DLG2: variants seen among roughly 807,000 people sequenced by gnomAD.
The protein encoded by DLG2 is discs large MAGUK scaffold protein 2.
DLG2 carries 45 observed loss-of-function variants against 132.5 expected under a neutral mutation model. That is an observed-to-expected ratio of 0.34 (90% confidence interval 0.27 to 0.44). The LOEUF (loss-of-function observed/expected upper bound fraction) is 0.44, where lower values mean the gene tolerates loss of function less well. DLG2 is among the 20% of genes least tolerant of loss of function. The pLI is 1.00. For synonymous variants in DLG2, 424 were observed against 419.6 expected (o/e 1.01, Z -0.13); for missense variants, 1,045 against 1,196.9 (o/e 0.87, Z 1.87).
chr11:83,571,682 A>C (rs2096799631), intron 19 of DLG2, among the ~76,000 whole-genome samples: 1 of 152,122 alleles, frequency 6.6e-6, no homozygotes, highest in Admixed American at 6.6e-5. Flanking sequence ...TATAGTGAGA[A>C]ATATTACTGA....
chr11:84,434,871 G>A (rs894400291), intron 7 of DLG2, among the ~76,000 whole-genome samples: 2 of 139,562 alleles, frequency 1.4e-5, no homozygotes, highest in Non-Finnish European at 3.0e-5. Context: ...GCTATGGTGA[G>A]TTCAGGTTGT....
intron 15 of DLG2, among the ~76,000 whole-genome samples, chr11:83,896,497 C>A (rs892179525): frequency 6.6e-6 from 1 of 152,138 alleles, no homozygotes; most frequent in African/African-American, 2.4e-5. Context: ...GAAAGATGGA[C>A]CAGCCATATT....
intron 6 of DLG2, among the ~76,000 whole-genome samples, chr11:85,079,938 A>T (rs924373949): frequency 2.6e-5 from 4 of 151,850 alleles, no homozygotes; most frequent in Non-Finnish European, 5.9e-5. Flanking sequence ...CCCACTAGGT[A>T]TCTTGATATC....
chr11:84,456,984 G>T (rs1286792892), intron 7 of DLG2, among the ~76,000 whole-genome samples: 1 of 151,172 alleles, frequency 6.6e-6, no homozygotes, highest in East Asian at 1.9e-4. Flanking sequence ...TTAGTTTAAG[G>T]TTAGCCAAGA....
chr11:85,095,604 C>A (rs2069599777), intron 6 of DLG2, among the ~76,000 whole-genome samples: 1 of 152,110 alleles, frequency 6.6e-6, no homozygotes, highest in Non-Finnish European at 1.5e-5. Flanking sequence ...CAGCTCCTAT[C>A]CCTCTTCACA....
At chr11:83,946,451 T>A (rs914755333) in intron 14 of DLG2, among the ~76,000 whole-genome samples, 1 of 152,192 alleles carries the variant, frequency 6.6e-6, no homozygotes, top group African/African-American at 2.4e-5. Context: ...AGATCTGGCA[T>A]GGGGCTAAGG....
At chr11:83,480,390 C>T (rs552807665) in intron 22 of DLG2, 64 of 1,535,414 alleles carry the variant, frequency 4.2e-5, no homozygotes, top group Middle Eastern at 1.7e-4. Context: ...CTTTCGCTAT[C>T]GCTGGCATTA....
At chr11:84,955,506 T>G (rs971511416) in intron 6 of DLG2, 10 of 152,108 alleles carry the variant, frequency 6.6e-5, no homozygotes, top group African/African-American at 2.4e-4. Context: ...AGCAGAGGAT[T>G]TTAGACTTCA....
intron 6 of DLG2, among the ~76,000 whole-genome samples, chr11:84,827,676 C>CAAAAAAAAAAAAAAAAAA (rs398016953): frequency 1.1e-4 from 4 of 35,090 alleles, no homozygotes; most frequent in African/African-American, 2.8e-4. Flanking sequence ...TACATACAGT[C>CAAAAAAAAAAAAAAAAAA]AAAAAAAAAA....
chr11:85,395,605 C>T (rs938309646), intron 3 of DLG2, among the ~76,000 whole-genome samples: 2 of 152,234 alleles, frequency 1.3e-5, no homozygotes, highest in Non-Finnish European at 1.5e-5. Context: ...GAGATACCCT[C>T]CCATGCCTGA....
At chr11:83,664,010 C>T (rs908188219) in intron 18 of DLG2, among the ~76,000 whole-genome samples, 57 of 152,126 alleles carry the variant, frequency 3.7e-4, no homozygotes, top group African/African-American at 1.3e-3. Flanking sequence ...AAACATTGGG[C>T]GAGCTGTTTC....
chr11:85,488,436 C>T (rs1378913260), intron 3 of DLG2, among the ~76,000 whole-genome samples: 1 of 151,864 alleles, frequency 6.6e-6, no homozygotes, highest in African/African-American at 2.4e-5. Context: ...TGTCTTTTAC[C>T]TCCTGCCATG....
chr11:84,398,560 G>A (rs2098818788), intron 7 of DLG2, among the ~76,000 whole-genome samples: 1 of 152,142 alleles, frequency 6.6e-6, no homozygotes, highest in Non-Finnish European at 1.5e-5. Flanking sequence ...TGCAATAAAT[G>A]CATTTGCAAT....
At chr11:85,424,028 C>A (rs2090524231) in intron 3 of DLG2, among the ~76,000 whole-genome samples, 1 of 152,172 alleles carries the variant, frequency 6.6e-6, no homozygotes, top group Non-Finnish European at 1.5e-5. Context: ...TTTCCCAGTG[C>A]CTCTGGCCAA....
At chr11:84,853,741 A>G (rs1412756128) in intron 6 of DLG2, among the ~76,000 whole-genome samples, 1 of 151,920 alleles carries the variant, frequency 6.6e-6, no homozygotes, top group African/African-American at 2.4e-5. Flanking sequence ...CTCACAGCAA[A>G]CCATTCCACA....
At position 83,558,517 on chromosome 11, in the gene DLG2, G is replaced by A. The variant is rs544398231; in HGVS notation, c.1941-16659C>T. Among the ~76,000 whole-genome samples, 11 of 152,260 alleles carry A rather than the reference G, an allele frequency of 7.2e-5. No individual in the cohort carries two copies. In the South Asian group the frequency reaches 8.3e-4, roughly 11 times the overall value. ...TGCCTGCTATTGGTTAACCGCTACA[G>A]TAGGCACTTTATATACCTTGGCACT... On this transcript the variant is annotated intron_variant, in intron 19 of 27. Coordinates refer to ENST00000376104, the MANE Select transcript of DLG2 (RefSeq NM_001142699.3).
chr11:84,041,887 G>C (rs987710843), intron 11 of DLG2, among the ~76,000 whole-genome samples: 2 of 151,842 alleles, frequency 1.3e-5, no homozygotes, highest in Non-Finnish European at 2.9e-5. Flanking sequence ...TGATGTTCTT[G>C]TGATAGTGAA....
chr11:83,640,975 C>T (rs1226772502), intron 18 of DLG2, among the ~76,000 whole-genome samples: 2 of 152,164 alleles, frequency 1.3e-5, no homozygotes, highest in Non-Finnish European at 2.9e-5. Context: ...ATACCATACC[C>T]ACTCAGAGAT....
At chr11:84,734,114 A>G (rs371020949) in intron 6 of DLG2, among the ~76,000 whole-genome samples, 8 of 152,128 alleles carry the variant, frequency 5.3e-5, no homozygotes, top group East Asian at 1.9e-4. Context: ...TTGATTTGGC[A>G]ATGCGGGCTC....
Sources: gnomAD v4.1 joint callset for allele counts (sites outside exome capture counted in the v4.1 genomes callset) on GRCh38, gnomAD v4.1.1 for gene constraint, MANE v1.5 for transcripts, NCBI Gene and HGNC (gene_info 2026-07-23, HGNC 2026-07-21) for gene names.